CNTNAP2: variants seen among roughly 807,000 people sequenced by gnomAD.
CNTNAP2 encodes contactin-associated protein-like 2.
In CNTNAP2, 98 loss-of-function variants were observed where a neutral mutation model predicts 155.2. The observed-to-expected ratio is 0.63, with a 90% confidence interval of 0.54 to 0.75. CNTNAP2 has a LOEUF of 0.75. Among genes scored for constraint, CNTNAP2 ranks in the 30% least tolerant of loss-of-function variants. The pLI is 0.00. For synonymous variants in CNTNAP2, 651 were observed against 631.2 expected (o/e 1.03, Z -0.47); for missense variants, 1,727 against 1,688.1 (o/e 1.02, Z -0.40).
intron 8 of CNTNAP2, among the ~76,000 whole-genome samples, chr7:147,154,622 G>A (rs1386005478): frequency 1.3e-5 from 2 of 152,002 alleles, no homozygotes; most frequent in East Asian, 1.9e-4. Context: ...GGAAAGGCAT[G>A]GCAGCTGTCA....
At chr7:146,772,394 C>T (rs1286889683) in intron 1 of CNTNAP2, among the ~76,000 whole-genome samples, 3 of 151,028 alleles carry the variant, frequency 2.0e-5, no homozygotes, top group Middle Eastern at 3.2e-3. Context: ...TGCGGTGGCT[C>T]ACACCTTTAA....
chr7:148,290,555 A>G (rs1236651717), intron 21 of CNTNAP2, among the ~76,000 whole-genome samples: 1 of 152,234 alleles, frequency 6.6e-6, no homozygotes, highest in Non-Finnish European at 1.5e-5. Context: ...TTATGCTATC[A>G]TTTCAGAATG....
At chr7:146,258,675 C>T (rs1466888793) in intron 1 of CNTNAP2, among the ~76,000 whole-genome samples, 1 of 152,152 alleles carries the variant, frequency 6.6e-6, no homozygotes. Context: ...ACTGTTTCTT[C>T]TGAAACCTGG....
chr7:147,442,963 G>A (rs975037531), intron 10 of CNTNAP2, among the ~76,000 whole-genome samples: 5 of 152,072 alleles, frequency 3.3e-5, no homozygotes, highest in African/African-American at 1.2e-4. Flanking sequence ...TAGTTGTACA[G>A]CCTGGAATTA....
intron 16 of CNTNAP2, among the ~76,000 whole-genome samples, chr7:148,143,545 G>C (rs907780477): frequency 2.6e-5 from 4 of 152,100 alleles, no homozygotes; most frequent in African/African-American, 4.8e-5. Flanking sequence ...TAGGTGTGGT[G>C]GTGTACTCCT....
chr7:147,815,119 T>A (rs1268523647), intron 13 of CNTNAP2, among the ~76,000 whole-genome samples: 3 of 152,178 alleles, frequency 2.0e-5, no homozygotes, highest in Non-Finnish European at 4.4e-5. Flanking sequence ...GAGAGTATGA[T>A]GCCCTTTTAT....
rs569325028 is a variant in CNTNAP2, at chr7:148,194,087, C to T, written c.3010+21609C>T. 3.6e-4 allele frequency among the ~76,000 whole-genome samples: 55 copies of T among 151,754 alleles called. No homozygotes were observed. The East Asian group carries it at 9.6e-3, about 26-fold the overall frequency. ...CTGGGCTCAGATGATCCTCCTGCCT[C>T]AGCCTCTCAAGCAGCTGGGATTACA... On this transcript the variant is annotated intron_variant, in intron 18 of 23. Transcript: ENST00000361727.
intron 8 of CNTNAP2, among the ~76,000 whole-genome samples, chr7:147,203,390 C>G (rs1408271576): frequency 1.3e-5 from 2 of 152,130 alleles, no homozygotes; most frequent in Non-Finnish European, 2.9e-5. Context: ...CACCACCATG[C>G]CCAGCTAATT....
intron 3 of CNTNAP2, among the ~76,000 whole-genome samples, chr7:147,022,781 A>C (rs1798838970): frequency 6.6e-6 from 1 of 152,174 alleles, no homozygotes; most frequent in Non-Finnish European, 1.5e-5. Flanking sequence ...AATTTGCCAA[A>C]GTATTTTTTT....
intron 1 of CNTNAP2, among the ~76,000 whole-genome samples, chr7:146,753,307 A>C (rs1801937716): frequency 1.3e-5 from 2 of 152,052 alleles, no homozygotes; most frequent in Admixed American, 6.6e-5. Context: ...CACATTATCC[A>C]TGCTACCATT....
chr7:147,442,957 T>C (rs1797668173), intron 10 of CNTNAP2, among the ~76,000 whole-genome samples: 1 of 151,998 alleles, frequency 6.6e-6, no homozygotes, highest in Admixed American at 6.6e-5. Flanking sequence ...AGCAGTTAGT[T>C]GTACAGCCTG....
chr7:146,773,801 T>C (rs1802339700), intron 1 of CNTNAP2, among the ~76,000 whole-genome samples: 1 of 152,226 alleles, frequency 6.6e-6, no homozygotes, highest in Non-Finnish European at 1.5e-5. Context: ...AACTTAGTCA[T>C]CTCACATAAC....
intron 8 of CNTNAP2, among the ~76,000 whole-genome samples, chr7:147,157,410 A>T (rs1801945785): frequency 6.6e-6 from 1 of 152,124 alleles, no homozygotes. Flanking sequence ...CCTGAATGGA[A>T]ACAAATATAA....
intron 8 of CNTNAP2, among the ~76,000 whole-genome samples, chr7:147,247,331 A>C (rs1419591773): frequency 2.0e-5 from 3 of 152,194 alleles, no homozygotes; most frequent in African/African-American, 7.2e-5. Context: ...GCAGGTGACC[A>C]GCATTAACTA....
chr7:146,196,996 G>A (rs1454966993), intron 1 of CNTNAP2, among the ~76,000 whole-genome samples: 1 of 152,016 alleles, frequency 6.6e-6, no homozygotes, highest in Non-Finnish European at 1.5e-5. Context: ...TTTCCCCAGT[G>A]AATTTCATTT....
intron 13 of CNTNAP2, among the ~76,000 whole-genome samples, chr7:147,712,841 T>A (rs1472386008): frequency 1.3e-5 from 2 of 152,148 alleles, no homozygotes; most frequent in African/African-American, 4.8e-5. Flanking sequence ...CATGTATACA[T>A]ATGTAACCAA....
At chr7:147,530,803 G>T (rs569787825) in intron 11 of CNTNAP2, among the ~76,000 whole-genome samples, 1 of 152,102 alleles carries the variant, frequency 6.6e-6, no homozygotes, top group East Asian at 1.9e-4. Context: ...AACTCATTTC[G>T]ACATTAACTC....
chr7:146,940,642 AT>A (rs1396252697), intron 3 of CNTNAP2, among the ~76,000 whole-genome samples: 1 of 152,006 alleles, frequency 6.6e-6, no homozygotes, highest in Non-Finnish European at 1.5e-5. Flanking sequence ...TTGAAATTGA[AT>A]TTAAGCTCCA....
chr7:148,278,955 G>A (rs144979787), intron 21 of CNTNAP2, among the ~76,000 whole-genome samples: 1 of 152,296 alleles, frequency 6.6e-6, no homozygotes, highest in African/African-American at 2.4e-5. Context: ...CTGTGAGGTA[G>A]GGACACGCCT....
Sources: allele counts gnomAD v4.1 joint callset (sites outside exome capture counted in the v4.1 genomes callset), GRCh38; gene constraint gnomAD v4.1.1; transcripts MANE v1.5; gene names NCBI Gene and HGNC (gene_info 2026-07-23, HGNC 2026-07-21).